The following CMIP variants were observed in gnomAD, a reference collection of about 807,000 sequenced individuals.
CMIP encodes the protein C-Maf-inducing protein.
Under a neutral mutation model 97.3 loss-of-function variants are expected in CMIP, and 13 were observed. The observed-to-expected ratio is 0.13, with a 90% confidence interval of 0.09 to 0.21. The LOEUF (loss-of-function observed/expected upper bound fraction) is 0.21. Ranked by LOEUF, CMIP falls within the 10% of genes least tolerant of loss-of-function variation. The probability of loss-of-function intolerance (pLI) is 1.00; values close to 1 mark genes in which losing one functional copy is unlikely to be tolerated. For synonymous variants in CMIP, 538 were observed against 436.3 expected, an observed-to-expected ratio of 1.23 and a Z score of -2.91; for missense variants, 847 against 1,024.9, an observed-to-expected ratio of 0.83 and a Z score of 2.37.
intron 1 of CMIP, among the ~76,000 whole-genome samples, chr16:81,531,758 C>T (rs1239507220): frequency 6.6e-6 from 1 of 152,198 alleles, no homozygotes; most frequent in African/African-American, 2.4e-5. Context: ...CATGGCTTTT[C>T]CCAGACTGGC....
chr16:81,473,665 C>G (rs1054967033), intron 1 of CMIP, among the ~76,000 whole-genome samples: 2 of 152,056 alleles, frequency 1.3e-5, no homozygotes, highest in South Asian at 2.1e-4. Flanking sequence ...GATCTCAAAT[C>G]TCACTCATGA....
In CMIP at chr16:81,616,177, C is replaced by G. The variant is rs1169775193; in HGVS notation, c.427-4699C>G. On this transcript the variant is annotated intron_variant, in intron 2 of 20. Coordinates refer to ENST00000537098, the MANE Select transcript of CMIP (RefSeq NM_198390.3). The surrounding 1 kb of genome is among the most constrained non-coding windows in gnomAD (Gnocchi z 4.7). Reference sequence around the variant, plus strand: ...TATTTTTTTTTTTTTTTTTTTAACACCAGGCTCACTGGAGCAGTCGCAGTT... The same window carrying G: ...TATTTTTTTTTTTTTTTTTTTAACAGCAGGCTCACTGGAGCAGTCGCAGTT... Among the ~76,000 whole-genome samples the G allele has an allele frequency of 6.7e-6, 1 of 149,610 alleles. No homozygotes were observed. The highest frequency in any genetic ancestry group is 1.5e-5 in the Non-Finnish European group (1 of 67,670).
chr16:81,576,084 T>TC (rs1196980116), intron 1 of CMIP, among the ~76,000 whole-genome samples: 3 of 152,114 alleles, frequency 2.0e-5, no homozygotes, highest in Non-Finnish European at 4.4e-5. Context: ...TGTAAGATAC[T>TC]CCATTTTCTT....
chr16:81,572,093 G>A (rs1034317304), intron 1 of CMIP, among the ~76,000 whole-genome samples: 15 of 152,200 alleles, frequency 9.9e-5, no homozygotes, highest in Non-Finnish European at 2.9e-5. Flanking sequence ...GCGCGTCCTT[G>A]GGCCCATTTC....
chr16:81,445,954 C>A (rs1291106359), intron 1 of CMIP, among the ~76,000 whole-genome samples: 1 of 146,616 alleles, frequency 6.8e-6, no homozygotes, highest in Non-Finnish European at 1.5e-5. Context: ...AAAATACCAC[C>A]CCTCAGATTT....
rs1172052799 is a variant in CMIP at position 81,471,767 on chromosome 16, A to G, written c.300+26226A>G. On this transcript the variant is annotated intron_variant, in intron 1 of 20. Transcript: ENST00000537098. Reference sequence around the variant, plus strand: ...TAAGGGTGACTTGAACACAAGCACCATGATACCATGGCAGTGGAATTGAGT... The same window carrying G: ...TAAGGGTGACTTGAACACAAGCACCGTGATACCATGGCAGTGGAATTGAGT... Among the ~76,000 whole-genome samples, 10 of 152,230 alleles carry G rather than the reference A, an allele frequency of 6.6e-5. No individual in the cohort carries two copies. In the South Asian group the frequency reaches 1.2e-3, roughly 19 times the overall value.
At chr16:81,502,993 A>T (rs2089640599) in intron 1 of CMIP, among the ~76,000 whole-genome samples, 1 of 152,060 alleles carries the variant, frequency 6.6e-6, no homozygotes, top group Non-Finnish European at 1.5e-5. Context: ...ATGTCGTGGG[A>T]TGTGGCTTTC....
intron 1 of CMIP, among the ~76,000 whole-genome samples, chr16:81,510,348 C>A (rs891236044): frequency 1.3e-5 from 2 of 152,130 alleles, no homozygotes; most frequent in African/African-American, 2.4e-5. Flanking sequence ...GATGTTTTTG[C>A]TAATAATAAT....
At chr16:81,690,116 T>G (rs1905884404) in intron 10 of CMIP, among the ~76,000 whole-genome samples, 1 of 152,190 alleles carries the variant, frequency 6.6e-6, no homozygotes, top group Non-Finnish European at 1.5e-5. Flanking sequence ...TCTTTTGGCT[T>G]AGGATTGTCT....
Position 81,476,606 on chromosome 16 carries a change from A to G in CMIP, c.300+31065A>G, listed in dbSNP as rs1347866449. On this transcript the variant is annotated intron_variant, in intron 1 of 20. Transcript: ENST00000537098. ...TGTAAAGTTTCATATAAATAGTATC[A>G]TTACTTGGGCCTTCTTGTGCAACTT... is the stretch of plus-strand genomic sequence containing the variant. 9 of 445,534 alleles carry G rather than the reference A, an allele frequency of 2.0e-5. No individual in the cohort carries two copies. In the Admixed American group the frequency reaches 2.3e-4, roughly 11 times the overall value. 27.6% of individuals were successfully genotyped at this position (445,534 alleles called of 1,614,324 possible). A position where few individuals can be genotyped will look rare whatever the true frequency, so the allele number is the denominator to read the frequency against.
At chr16:81,528,682 T>C (rs2090177082) in intron 1 of CMIP, among the ~76,000 whole-genome samples, 1 of 152,208 alleles carries the variant, frequency 6.6e-6, no homozygotes, top group Admixed American at 6.5e-5. Flanking sequence ...TTAGCACAAA[T>C]GATGCCCAAG....
intron 1 of CMIP, among the ~76,000 whole-genome samples, chr16:81,538,574 T>C (rs2090390229): frequency 1.3e-5 from 2 of 152,208 alleles, no homozygotes. Flanking sequence ...GTTGATTTGA[T>C]TACCATTTTA....
At chr16:81,575,790 C>G (rs2091178690) in intron 1 of CMIP, among the ~76,000 whole-genome samples, 1 of 152,128 alleles carries the variant, frequency 6.6e-6, no homozygotes, top group African/African-American at 2.4e-5. Flanking sequence ...CCACGTGAGT[C>G]TGATGATGTG....
rs547704546 is a variant in CMIP, at chr16:81,562,929, C to A, written c.301-44638C>A. On this transcript the variant is annotated intron_variant, in intron 1 of 20. Transcript: ENST00000537098. ...CCTTGCCCTTGTCTGCTGGGATCTG[C>A]CGCGTCCTCGAGCTGAGTAGGATGC... Among the ~76,000 whole-genome samples, 46 of 152,302 alleles carry A rather than the reference C, an allele frequency of 3.0e-4. No homozygotes were observed. The South Asian group carries it at 8.7e-3, about 29-fold the overall frequency.
chr16:81,523,812 G>A (rs538456742), intron 1 of CMIP, among the ~76,000 whole-genome samples: 2 of 152,198 alleles, frequency 1.3e-5, no homozygotes, highest in South Asian at 2.1e-4. Context: ...CCTGAACCTC[G>A]CTCAGACACA....
chr16:81,664,229 T>C (rs2092578992), intron 6 of CMIP, 40 bp from the exon 7 acceptor site: 3 of 1,553,676 alleles, frequency 1.9e-6, no homozygotes, highest in African/African-American at 2.7e-5. Flanking sequence ...GTTCAGAACA[T>C]TCTTAGGGCC....
chr16:81,561,727 A>C (rs926487000), intron 1 of CMIP, among the ~76,000 whole-genome samples: 1 of 152,240 alleles, frequency 6.6e-6, no homozygotes, highest in Admixed American at 6.5e-5. Context: ...TATGGACAGT[A>C]TTCTAAACCT....
chr16:81,506,387 G>A (rs2089709724), intron 1 of CMIP, among the ~76,000 whole-genome samples: 1 of 152,182 alleles, frequency 6.6e-6, no homozygotes, highest in Non-Finnish European at 1.5e-5. Flanking sequence ...TTCTTAAGAG[G>A]TGGATCTTGC....
At chr16:81,682,533 C>T (rs1009469689) in intron 10 of CMIP, among the ~76,000 whole-genome samples, 6 of 152,014 alleles carry the variant, frequency 3.9e-5, no homozygotes, top group African/African-American at 1.5e-4. Flanking sequence ...CCATTGCGTT[C>T]CATCCTGGGC....
Sources: allele counts gnomAD v4.1 joint callset (sites outside exome capture counted in the v4.1 genomes callset), GRCh38; gene constraint gnomAD v4.1.1; non-coding constraint Gnocchi (gnomAD v3.1); transcripts MANE v1.5; gene names NCBI Gene and HGNC (gene_info 2026-07-23, HGNC 2026-07-21).